Variants in CSGALNACT1 observed in about 807,000 individuals in gnomAD.
CSGALNACT1 encodes chondroitin sulfate N-acetylgalactosaminyltransferase 1.
CSGALNACT1 carries 52 observed loss-of-function variants against 51.0 expected under a neutral mutation model. That is an observed-to-expected ratio of 1.02 (90% CI 0.82 to 1.29). CSGALNACT1 has a LOEUF of 1.29. Among genes scored for constraint, CSGALNACT1 ranks in the 50% most tolerant of loss-of-function variants. The pLI is 0.00. For missense variants in CSGALNACT1, 935 were observed against 679.2 expected (o/e 1.38, Z -4.19); for synonymous variants, 341 against 254.4 (o/e 1.34, Z -3.24).
intron 1 of CSGALNACT1, among the ~76,000 whole-genome samples, chr8:19,707,989 C>T (rs6586859): frequency 0.35 from 53,239 of 151,932 alleles, 10,304 homozygotes; most frequent in East Asian, 0.65. Flanking sequence ...GCCTGGGTGA[C>T]GGAGCGAGAC....
intron 4 of CSGALNACT1, among the ~76,000 whole-genome samples, chr8:19,473,644 C>T (rs1377896537): frequency 6.6e-6 from 1 of 152,210 alleles, no homozygotes; most frequent in Non-Finnish European, 1.5e-5. Context: ...AAAGCCTCAA[C>T]ATCAACTGCT....
chr8:19,533,987 C>T (rs1313454997), intron 3 of CSGALNACT1, among the ~76,000 whole-genome samples: 1 of 152,090 alleles, frequency 6.6e-6, no homozygotes, highest in Non-Finnish European at 1.5e-5. Context: ...TCCCCCCATG[C>T]CAAATCAATT....
intron 3 of CSGALNACT1, among the ~76,000 whole-genome samples, chr8:19,536,692 C>T (rs895413063): frequency 8.5e-5 from 13 of 152,098 alleles, no homozygotes; most frequent in African/African-American, 1.2e-4. Flanking sequence ...AGCAAAAGAG[C>T]TAGAACAGCA....
In CSGALNACT1 at chr8:19,423,099, C is replaced by T. The variant is rs2058202547; in HGVS notation, c.954-2581G>A. Among the ~76,000 whole-genome samples, 3 of 152,102 alleles carry T rather than the reference C, an allele frequency of 2.0e-5. No homozygotes were observed. In the South Asian group the frequency reaches 6.2e-4, roughly 31 times the overall value. On this transcript the variant is annotated intron_variant, in intron 6 of 9. Transcript: ENST00000454498. ...TCAGGTACCTTCTCCAGGAGGGTTT[C>T]TAGGATCTACTACAGGAGAGTTCAA... is the stretch of plus-strand genomic sequence containing the variant.
intron 7 of CSGALNACT1, among the ~76,000 whole-genome samples, chr8:19,419,432 G>C (rs2057517174): frequency 6.6e-6 from 1 of 152,172 alleles, no homozygotes; most frequent in Non-Finnish European, 1.5e-5. Flanking sequence ...TGGGCAGTTG[G>C]ACTAGACTTA....
chr8:19,662,074 A>ACCCCCCCCC (rs1159242984), intron 1 of CSGALNACT1, among the ~76,000 whole-genome samples: 10 of 35,038 alleles, frequency 2.9e-4, no homozygotes, highest in Non-Finnish European at 4.3e-4. Context: ...ACCCCCCCCC[A>ACCCCCCCCC]CCCCCCCCCC....
At chr8:19,414,864 G>T (rs1311402669) in intron 8 of CSGALNACT1, among the ~76,000 whole-genome samples, 4 of 152,102 alleles carry the variant, frequency 2.6e-5, no homozygotes, top group Admixed American at 2.6e-4. Flanking sequence ...TTAATATATA[G>T]GTACCATCTC....
intron 1 of CSGALNACT1, among the ~76,000 whole-genome samples, chr8:19,752,169 A>G (rs2065078848): frequency 6.7e-6 from 1 of 148,220 alleles, no homozygotes; most frequent in Non-Finnish European, 1.5e-5. Context: ...ATATATGAGT[A>G]TATATTCATA....
At chr8:19,479,582 G>A (rs928075248) in intron 4 of CSGALNACT1, among the ~76,000 whole-genome samples, 1 of 152,004 alleles carries the variant, frequency 6.6e-6, no homozygotes, top group African/African-American at 2.4e-5. Context: ...AAGGCTTGGG[G>A]GAATTGTGAT....
chr8:19,605,616 C>T (rs916905492), upstream of CSGALNACT1, among the ~76,000 whole-genome samples: 9 of 151,914 alleles, frequency 5.9e-5, no homozygotes, highest in African/African-American at 1.5e-4. Context: ...CAGTAAGAAC[C>T]GAGTAAGAGG....
At chr8:19,478,136 C>T (rs999822759) in intron 4 of CSGALNACT1, among the ~76,000 whole-genome samples, 1 of 119,700 alleles carries the variant, frequency 8.4e-6, no homozygotes, top group Non-Finnish European at 1.9e-5. Context: ...ATGTCTGGGC[C>T]GGGTGCGGTG....
intron 3 of CSGALNACT1, among the ~76,000 whole-genome samples, chr8:19,509,929 T>A (rs2078145413): frequency 6.6e-6 from 1 of 152,158 alleles, no homozygotes; most frequent in Non-Finnish European, 1.5e-5. Context: ...GGCACCCACA[T>A]TTTTAGACCA....
chr8:19,726,771 C>G (rs2063424717), intron 1 of CSGALNACT1, among the ~76,000 whole-genome samples: 1 of 152,174 alleles, frequency 6.6e-6, no homozygotes, highest in African/African-American at 2.4e-5. Context: ...GAAATTTCCT[C>G]TGGATAGCAA....
intron 3 of CSGALNACT1, among the ~76,000 whole-genome samples, chr8:19,537,845 C>G (rs1196127407): frequency 1.3e-5 from 2 of 152,188 alleles, no homozygotes; most frequent in East Asian, 3.8e-4. Flanking sequence ...AGACAAAGTA[C>G]TATTTGACTT....
chr8:19,587,333 A>G (rs970946905), intron 3 of CSGALNACT1, among the ~76,000 whole-genome samples: 8 of 152,346 alleles, frequency 5.3e-5, no homozygotes, highest in Non-Finnish European at 1.2e-4. Context: ...GCTGTAAGCA[A>G]AACTTGGAAT....
chr8:19,709,062 T>C (rs1252364122), intron 1 of CSGALNACT1, among the ~76,000 whole-genome samples: 1 of 152,214 alleles, frequency 6.6e-6, no homozygotes, highest in African/African-American at 2.4e-5. Context: ...TGTATTTTTA[T>C]GGTTATTATT....
intron 4 of CSGALNACT1, among the ~76,000 whole-genome samples, chr8:19,475,864 C>G (rs778612333): frequency 7.9e-5 from 12 of 152,184 alleles, no homozygotes; most frequent in African/African-American, 2.9e-4. Flanking sequence ...AAAGAGAGAA[C>G]TGAATTTCCA....
At chr8:19,602,041 T>C (rs987376525) in exon 1 of CSGALNACT1, 25 of 327,096 alleles carry the variant, frequency 7.6e-5, no homozygotes, top group Non-Finnish European at 1.2e-4. Flanking sequence ...ATGAATAAAA[T>C]GCAAACTATT....
At chr8:19,537,149 C>G (rs574704335) in intron 3 of CSGALNACT1, among the ~76,000 whole-genome samples, 28 of 152,276 alleles carry the variant, frequency 1.8e-4, no homozygotes, top group African/African-American at 5.8e-4. Flanking sequence ...CATGAGTAAG[C>G]AGAAACTAGC....
Sources: gnomAD v4.1 joint callset for allele counts (sites outside exome capture counted in the v4.1 genomes callset) on GRCh38, gnomAD v4.1.1 for gene constraint, MANE v1.5 for transcripts, NCBI Gene and HGNC (gene_info 2026-07-23, HGNC 2026-07-21) for gene names.